Variants in VPS54 observed in about 807,000 individuals in gnomAD.
VPS54 encodes VPS54 subunit of GARP complex.
Under a neutral mutation model 121.5 loss-of-function variants are expected in VPS54, and 45 were observed. That is an observed-to-expected ratio of 0.37 (90% CI 0.29 to 0.47). The LOEUF (loss-of-function observed/expected upper bound fraction) is 0.47, where lower values mean the gene tolerates loss of function less well. Among genes scored for constraint, VPS54 ranks in the 20% least tolerant of loss-of-function variants. The pLI, the probability that VPS54 is intolerant of heterozygous loss-of-function variation, is 0.99. For missense variants in VPS54, 1,090 were observed against 1,131.4 expected (o/e 0.96, Z 0.52); for synonymous variants, 371 against 385.8 (o/e 0.96, Z 0.45).
At chr2:63,974,879 A>G in intron 3 of VPS54, 3 of 1,238,108 alleles carry the variant, frequency 2.4e-6, no homozygotes, top group Non-Finnish European at 3.3e-6. Context: ...ATCTGGAAAC[A>G]GTTTTACTTC....
At chr2:64,014,062 G>A (rs968549731) in intron 1 of VPS54, among the ~76,000 whole-genome samples, 5 of 148,452 alleles carry the variant, frequency 3.4e-5, no homozygotes, top group Non-Finnish European at 7.6e-5. Flanking sequence ...GTAGTGACAC[G>A]CCAGAAAGAT....
At chr2:64,001,391 A>C (rs1030935216) in intron 1 of VPS54, among the ~76,000 whole-genome samples, 1 of 152,132 alleles carries the variant, frequency 6.6e-6, no homozygotes, top group Non-Finnish European at 1.5e-5. Flanking sequence ...TACCTAAGAT[A>C]CAAGACAAAG....
chr2:63,972,772 G>T (rs1676345146), intron 3 of VPS54, among the ~76,000 whole-genome samples: 1 of 151,942 alleles, frequency 6.6e-6, no homozygotes, highest in African/African-American at 2.4e-5. Context: ...CAGCTATTGG[G>T]GAGGCTGAGG....
intron 7 of VPS54, among the ~76,000 whole-genome samples, chr2:63,952,389 G>T (rs1257467272): frequency 6.6e-6 from 1 of 152,012 alleles, no homozygotes; most frequent in Non-Finnish European, 1.5e-5. Context: ...ATTTTGAGGG[G>T]CAGTTTTAAA....
chr2:63,944,786 T>C, intron 9 of VPS54, 131 bp from the exon 10 acceptor site: 1 of 665,282 alleles, frequency 1.5e-6, no homozygotes, highest in Non-Finnish European at 2.5e-6. Context: ...AGGACATACA[T>C]GTGGCCAACA....
intron 1 of VPS54, among the ~76,000 whole-genome samples, chr2:64,009,298 A>G (rs1034476808): frequency 1.3e-5 from 2 of 152,088 alleles, no homozygotes; most frequent in Non-Finnish European, 2.9e-5. Context: ...ATTCCAAAAG[A>G]AAAAAGATAC....
chr2:63,986,434 A>T (rs548044814), intron 1 of VPS54, among the ~76,000 whole-genome samples: 3 of 152,326 alleles, frequency 2.0e-5, no homozygotes, highest in African/African-American at 7.2e-5. Context: ...TGCAAATGAC[A>T]AGATCTCATC....
intron 12 of VPS54, among the ~76,000 whole-genome samples, chr2:63,923,123 C>T (rs1673724061): frequency 6.6e-6 from 1 of 151,900 alleles, no homozygotes; most frequent in Admixed American, 6.6e-5. Context: ...ATCATCCTGG[C>T]TAACACATGG....
At chr2:64,004,552 A>T (rs1296526615) in intron 1 of VPS54, among the ~76,000 whole-genome samples, 1 of 152,186 alleles carries the variant, frequency 6.6e-6, no homozygotes, top group East Asian at 1.9e-4. Flanking sequence ...GGAAATAAAC[A>T]TCATTACCTA....
chr2:63,922,606 G>C (rs1673696434), intron 12 of VPS54, among the ~76,000 whole-genome samples: 1 of 152,190 alleles, frequency 6.6e-6, no homozygotes, highest in South Asian at 2.1e-4. Flanking sequence ...CTGAATCTTA[G>C]AAAGTTAAAG....
Position 63,892,903 on chromosome 2 carries a change from C to T in VPS54, c.*527G>A, listed in dbSNP as rs1042317436. 5.9e-5 allele frequency: 9 copies of T among 153,196 alleles called. No homozygotes were observed. The highest frequency in any genetic ancestry group is 2.2e-4 in the African/African-American group (9 of 41,366). 9.5% of individuals were successfully genotyped at this position (153,196 alleles called of 1,614,324 possible). A position where few individuals can be genotyped will look rare whatever the true frequency, so the allele number is the denominator to read the frequency against. On this transcript the variant is annotated 3_prime_UTR_variant, in exon 23 of 23. Coordinates refer to ENST00000272322, the MANE Select transcript of VPS54 (RefSeq NM_016516.3). ...GAAACAAAAATTGAATTCCTAAATC[C>T]AAGCAATCAAAAGATGTTTATTTTT...
At chr2:64,011,262 T>C (rs1190727556) in intron 1 of VPS54, among the ~76,000 whole-genome samples, 1 of 152,134 alleles carries the variant, frequency 6.6e-6, no homozygotes, top group Non-Finnish European at 1.5e-5. Context: ...TATAACATTA[T>C]AGCAGCCATT....
chr2:64,011,684 T>C (rs922380326), intron 1 of VPS54, among the ~76,000 whole-genome samples: 2 of 152,182 alleles, frequency 1.3e-5, no homozygotes, highest in Non-Finnish European at 2.9e-5. Context: ...CTTGGATGCT[T>C]TCTTACTCCT....
chr2:63,916,022 T>C (rs1266473291), intron 16 of VPS54, among the ~76,000 whole-genome samples: 1 of 152,124 alleles, frequency 6.6e-6, no homozygotes, highest in African/African-American at 2.4e-5. Context: ...CAAAAAACAC[T>C]TGACAAGAAG....
chr2:64,014,311 T>C (rs530131890), intron 1 of VPS54, among the ~76,000 whole-genome samples: 17 of 152,334 alleles, frequency 1.1e-4, no homozygotes, highest in African/African-American at 3.8e-4. Flanking sequence ...CTAAAACTTT[T>C]TGAATAAGTC....
At chr2:63,963,772 A>G (rs1675870888) in intron 6 of VPS54, among the ~76,000 whole-genome samples, 1 of 152,190 alleles carries the variant, frequency 6.6e-6, no homozygotes, top group Non-Finnish European at 1.5e-5. Flanking sequence ...ATACTAGGGT[A>G]AATTGCAAGG....
intron 1 of VPS54, among the ~76,000 whole-genome samples, chr2:63,992,895 C>T (rs749218099): frequency 6.6e-6 from 1 of 152,198 alleles, no homozygotes; most frequent in African/African-American, 2.4e-5. Context: ...CAAGAGCCTG[C>T]AGCTCATTAT....
intron 7 of VPS54, among the ~76,000 whole-genome samples, chr2:63,951,856 A>G (rs1047652142): frequency 6.6e-6 from 1 of 152,186 alleles, no homozygotes; most frequent in Non-Finnish European, 1.5e-5. Context: ...ATGTTGTTCA[A>G]GGTCAAAGGT....
At position 63,949,162 on chromosome 2, in the gene VPS54, G is replaced by A. The variant is rs1365566455; in HGVS notation, c.1012C>T (p.His338Tyr). The A allele has an allele frequency of 6.2e-7, 1 of 1,602,574 alleles. No homozygotes were observed. The highest frequency in any genetic ancestry group is 8.5e-7 in the Non-Finnish European group (1 of 1,177,436). ...QELQGIHSFR[H>Y]LGSQLCELEK... is the part of the protein sequence containing the mutation. ...AATTCACAAAGCTGTGATCCCAAAT[G>A]CCTAAAAAGGAAGAGAAAAATGTTA... The change falls in exon 8 of 23, where the codon CAT (histidine) becomes TAT (tyrosine). Residue 338 changes from histidine (H) to tyrosine (Y), a missense_variant and splice_region_variant. Physicochemically the swap from His to Tyr is moderately conservative, Grantham distance 83. This residue lies in a region of VPS54 where 801 missense variants were observed against 757.0 expected (regional missense o/e 1.06). Coordinates refer to ENST00000272322, the MANE Select transcript of VPS54 (RefSeq NM_016516.3).
Sources: allele counts gnomAD v4.1 joint callset (sites outside exome capture counted in the v4.1 genomes callset), GRCh38; gene constraint gnomAD v4.1.1; regional missense constraint gnomAD v4.1.1; transcripts MANE v1.5; gene names NCBI Gene and HGNC (gene_info 2026-07-23, HGNC 2026-07-21).